Variants in RANBP2 observed in about 807,000 individuals in gnomAD.
RANBP2 encodes the protein E3 SUMO-protein ligase RanBP2.
In RANBP2, 57 loss-of-function variants were observed where a neutral mutation model predicts 303.6. The ratio of observed to expected loss-of-function variants is 0.19; its 90% CI spans 0.15 to 0.23. The LOEUF (loss-of-function observed/expected upper bound fraction) is 0.23. RANBP2 is among the 10% of genes least tolerant of loss of function. RANBP2 has a pLI of 1.00. For missense variants in RANBP2, 3,138 were observed against 3,780.8 expected, an observed-to-expected ratio of 0.83 and a Z score of 4.46; for synonymous variants, 1,167 against 1,301.5, an observed-to-expected ratio of 0.90 and a Z score of 2.23.
the RANBP2 span, among the ~76,000 whole-genome samples, chr2:109,344,040 G>A: frequency 1.6e-4 from 25 of 152,190 alleles, no homozygotes; most frequent in South Asian, 3.5e-3. Flanking sequence ...CACCATACCC[G>A]TCCCCAGATC....
At chr2:109,106,532 C>A in the RANBP2 span, among the ~76,000 whole-genome samples, 4 of 152,106 alleles carry the variant, frequency 2.6e-5, no homozygotes, top group Non-Finnish European at 4.4e-5. Flanking sequence ...AAATTAGCCA[C>A]TTTTTAAGAA....
chr2:109,631,743 C>T, the RANBP2 span, among the ~76,000 whole-genome samples: 71 of 151,208 alleles, frequency 4.7e-4, no homozygotes, highest in Non-Finnish European at 7.7e-4. Context: ...GTAACAAGAG[C>T]GAAACTCAGT....
the RANBP2 span, among the ~76,000 whole-genome samples, chr2:109,340,619 C>T: frequency 6.6e-6 from 1 of 152,178 alleles, no homozygotes; most frequent in African/African-American, 2.4e-5. Flanking sequence ...GCCCCGGCAC[C>T]CAGGGTCCTG....
the RANBP2 span, among the ~76,000 whole-genome samples, chr2:109,350,738 C>T: frequency 6.6e-6 from 1 of 152,244 alleles, no homozygotes; most frequent in African/African-American, 2.4e-5. Context: ...CTCTGACAAC[C>T]TCCATGTGAA....
the RANBP2 span, among the ~76,000 whole-genome samples, chr2:109,249,532 T>C: frequency 0.12 from 11,167 of 94,554 alleles, 1,142 homozygotes; most frequent in East Asian, 0.21. Context: ...TCTTTCTTTC[T>C]TTCCTTCCTT....
At chr2:108,729,779 G>C (rs1385584982) in intron 2 of RANBP2, among the ~76,000 whole-genome samples, 7 of 150,956 alleles carry the variant, frequency 4.6e-5, no homozygotes, top group Non-Finnish European at 1.0e-4. Context: ...GCAGCAGCTG[G>C]CTCCATCTTT....
At chr2:109,259,204 TC>T in the RANBP2 span, among the ~76,000 whole-genome samples, 4 of 152,236 alleles carry the variant, frequency 2.6e-5, no homozygotes, top group African/African-American at 9.6e-5. Context: ...TGTAGGCTTC[TC>T]TGGCCTTCAT....
At chr2:109,493,284 G>C in the RANBP2 span, among the ~76,000 whole-genome samples, 1 of 123,696 alleles carries the variant, frequency 8.1e-6, no homozygotes, top group African/African-American at 3.1e-5. Flanking sequence ...GTACACCATA[G>C]AAACACACAC....
the RANBP2 span, among the ~76,000 whole-genome samples, chr2:109,692,694 A>G: frequency 1.3e-5 from 2 of 152,194 alleles, no homozygotes; most frequent in African/African-American, 2.4e-5. Context: ...TGGTTTCCCA[A>G]GAAGCAGCTA....
At chr2:109,235,072 G>T in the RANBP2 span, among the ~76,000 whole-genome samples, 12 of 152,278 alleles carry the variant, frequency 7.9e-5, no homozygotes, top group Non-Finnish European at 1.5e-5. Context: ...TTATGGTGAG[G>T]CAGAGCTTTA....
the RANBP2 span, among the ~76,000 whole-genome samples, chr2:109,388,661 C>T: frequency 5.3e-5 from 8 of 152,210 alleles, no homozygotes; most frequent in Middle Eastern, 3.2e-3. Flanking sequence ...AGGTGTTTAT[C>T]GAGCATGTAC....
chr2:109,402,045 C>G, the RANBP2 span, among the ~76,000 whole-genome samples: 7 of 152,322 alleles, frequency 4.6e-5, no homozygotes, highest in East Asian at 1.4e-3. Flanking sequence ...GTCTCCCTGT[C>G]CTGATTTAAT....
chr2:109,307,749 G>A, the RANBP2 span, among the ~76,000 whole-genome samples: 10 of 149,288 alleles, frequency 6.7e-5, no homozygotes, highest in Admixed American at 4.0e-4. Flanking sequence ...CAAAGGACAC[G>A]AACTCATCAT....
chr2:109,629,345 ATATATATATATTTTTTTT>A, the RANBP2 span, among the ~76,000 whole-genome samples: 9 of 6,618 alleles, frequency 1.4e-3, no homozygotes, highest in African/African-American at 3.7e-3. Flanking sequence ...ATATATATAT[ATATATATATATTTTTTTT>A]TTTTTTTTCA....
the RANBP2 span, among the ~76,000 whole-genome samples, chr2:109,199,082 AG>A: frequency 1.2e-3 from 176 of 152,164 alleles, no homozygotes; most frequent in Non-Finnish European, 2.3e-3. Flanking sequence ...TTGGGGGTCC[AG>A]GCATGGTGGT....
chr2:109,629,143 A>G, the RANBP2 span, among the ~76,000 whole-genome samples: 3 of 151,274 alleles, frequency 2.0e-5, no homozygotes, highest in African/African-American at 7.3e-5. Context: ...CGGATGTTGC[A>G]GTGAGCTGAG....
chr2:109,155,574 T>C, the RANBP2 span, among the ~76,000 whole-genome samples: 1 of 152,206 alleles, frequency 6.6e-6, no homozygotes, highest in African/African-American at 2.4e-5. Flanking sequence ...GTGCTGGGAT[T>C]ACAGGCCTGA....
At chr2:109,547,984 A>C in the RANBP2 span, among the ~76,000 whole-genome samples, 1 of 152,168 alleles carries the variant, frequency 6.6e-6, no homozygotes, top group Non-Finnish European at 1.5e-5. Flanking sequence ...AGGATTACTT[A>C]GGAGCTATGT....
the RANBP2 span, among the ~76,000 whole-genome samples, chr2:109,338,194 G>T: frequency 6.6e-6 from 1 of 152,312 alleles, no homozygotes; most frequent in East Asian, 1.9e-4. Context: ...GGCACTGTTA[G>T]GAGTAACTCA....
Sources: gnomAD v4.1 joint callset for allele counts (sites outside exome capture counted in the v4.1 genomes callset) on GRCh38, gnomAD v4.1.1 for gene constraint, MANE v1.5 for transcripts, NCBI Gene and HGNC (gene_info 2026-07-23, HGNC 2026-07-21) for gene names.